Variants in MBD5 observed in about 807,000 individuals in gnomAD.
MBD5 encodes the protein methyl-CpG-binding domain protein 5.
A neutral mutation model predicts 117.3 loss-of-function variants in MBD5; 13 were observed. The ratio of observed to expected loss-of-function variants is 0.11; its 90% CI spans 0.07 to 0.18. The LOEUF (loss-of-function observed/expected upper bound fraction) is 0.18. Among genes scored for constraint, MBD5 ranks in the 10% least tolerant of loss-of-function variants. The pLI is 1.00. For synonymous variants in MBD5, 727 were observed against 766.4 expected (o/e 0.95, Z 0.85); for missense variants, 1,879 against 2,093.8 (o/e 0.90, Z 2.00).
At chr2:148,267,890 T>G (rs1317043874) in intron 3 of MBD5, among the ~76,000 whole-genome samples, 1 of 151,946 alleles carries the variant, frequency 6.6e-6, no homozygotes, top group East Asian at 1.9e-4. Context: ...GGTCTATATA[T>G]TTTTAGTTGC....
chr2:148,299,357 G>A (rs1485885587), intron 3 of MBD5, among the ~76,000 whole-genome samples: 1 of 151,964 alleles, frequency 6.6e-6, no homozygotes, highest in African/African-American at 2.4e-5. Flanking sequence ...TGAACTCCTG[G>A]CCTCATGTGG....
intron 4 of MBD5, among the ~76,000 whole-genome samples, chr2:148,359,951 A>G (rs974404464): frequency 6.6e-5 from 10 of 152,254 alleles, no homozygotes; most frequent in Middle Eastern, 6.8e-3. Context: ...GCTGAGACAC[A>G]TATTTACTTC....
intron 1 of MBD5, among the ~76,000 whole-genome samples, chr2:148,130,357 T>C (rs1390637203): frequency 3.3e-5 from 5 of 152,186 alleles, no homozygotes; most frequent in African/African-American, 1.2e-4. Context: ...CCCTAGAGTA[T>C]CATTCTTTTA....
At chr2:148,185,435 C>T (rs899972830) in intron 2 of MBD5, among the ~76,000 whole-genome samples, 2 of 152,100 alleles carry the variant, frequency 1.3e-5, no homozygotes, top group African/African-American at 2.4e-5. Flanking sequence ...TATGTGTGTA[C>T]CCTTTGACCC....
chr2:148,199,730 A>G (rs1699088478), intron 2 of MBD5, among the ~76,000 whole-genome samples: 1 of 152,054 alleles, frequency 6.6e-6, no homozygotes, highest in Non-Finnish European at 1.5e-5. Context: ...ACTGTACTCC[A>G]GCCTGGGTGA....
chr2:148,180,352 ATATATATATG>A (rs60498169), intron 2 of MBD5, among the ~76,000 whole-genome samples: 12,978 of 138,626 alleles, frequency 0.094, 724 homozygotes, highest in South Asian at 0.15. Flanking sequence ...ACATATATAT[ATATATATATG>A]TATATATGTA....
At chr2:148,199,773 A>C (rs1284514559) in intron 2 of MBD5, among the ~76,000 whole-genome samples, 2 of 152,152 alleles carry the variant, frequency 1.3e-5, no homozygotes, top group African/African-American at 4.8e-5. Context: ...AAAAAAAAGA[A>C]AAGATTTGTT....
chr2:148,248,164 G>A (rs1700380432), intron 3 of MBD5, among the ~76,000 whole-genome samples: 1 of 152,214 alleles, frequency 6.6e-6, no homozygotes, highest in East Asian at 1.9e-4. Context: ...TATACTTAAG[G>A]TCCCGTCAGT....
chr2:148,031,152 A>G (rs1694026932), intron 1 of MBD5, among the ~76,000 whole-genome samples: 2 of 152,208 alleles, frequency 1.3e-5, no homozygotes, highest in African/African-American at 4.8e-5. Context: ...CAAAATACAG[A>G]TAGTATAATC....
rs181911335 is a variant in MBD5, at chr2:148,445,220, T to C, written c.-556-12983T>C. Among the ~76,000 whole-genome samples, 901 of 151,348 alleles carry C rather than the reference T, an allele frequency of 6.0e-3. 9 individuals carry two copies. The highest frequency in any genetic ancestry group is 0.01 in the Middle Eastern group (3 of 294). Reference sequence around the variant, plus strand: ...GTTACATATGTATACATGTGCCATGTTGGTGTGCTGCACCCATTAACTCGT... The same window carrying C: ...GTTACATATGTATACATGTGCCATGCTGGTGTGCTGCACCCATTAACTCGT... On this transcript the variant is annotated intron_variant, in intron 4 of 13. Coordinates refer to ENST00000642680, the MANE Select transcript of MBD5 (RefSeq NM_001378120.1).
At chr2:148,257,247 T>C (rs1700612465) in intron 3 of MBD5, among the ~76,000 whole-genome samples, 1 of 152,198 alleles carries the variant, frequency 6.6e-6, no homozygotes, top group Non-Finnish European at 1.5e-5. Context: ...CCACTACCCA[T>C]AGGGCTTATG....
intron 1 of MBD5, among the ~76,000 whole-genome samples, chr2:148,087,962 T>TA (rs1032415003): frequency 6.6e-6 from 1 of 150,714 alleles, no homozygotes; most frequent in Non-Finnish European, 1.5e-5. Flanking sequence ...AAATAAATTT[T>TA]AAAAAAATAC....
intron 3 of MBD5, among the ~76,000 whole-genome samples, chr2:148,249,298 T>G (rs1041907343): frequency 6.6e-6 from 1 of 152,332 alleles, no homozygotes; most frequent in Middle Eastern, 3.4e-3. Flanking sequence ...TTAATCTGAC[T>G]TTGCTTTCCA....
At chr2:148,062,929 T>C (rs1408488625) in intron 1 of MBD5, among the ~76,000 whole-genome samples, 1 of 152,110 alleles carries the variant, frequency 6.6e-6, no homozygotes, top group Non-Finnish European at 1.5e-5. Flanking sequence ...CACAATAAAG[T>C]ACAACCAAGA....
Position 148,463,729 on chromosome 2 carries a change from C to T in MBD5, c.217-10C>T. ...AGACATATTCTAAACAAAGGCTGTGCTTTTTCCAGGTATTTAATTTTGATC... is the reference window on the plus strand; with the variant it reads ...AGACATATTCTAAACAAAGGCTGTGTTTTTTCCAGGTATTTAATTTTGATC... On this transcript the variant is annotated splice_polypyrimidine_tract_variant and intron_variant, in intron 6 of 13. Coordinates refer to ENST00000642680, the MANE Select transcript of MBD5 (RefSeq NM_001378120.1). 6.2e-7 allele frequency: 1 copy of T among 1,613,300 alleles called. No homozygotes were observed. Among genetic ancestry groups the T allele is most frequent in the South Asian group, 1.1e-5 (1 of 91,064 alleles).
At chr2:148,088,159 G>A (rs918051290) in intron 1 of MBD5, among the ~76,000 whole-genome samples, 11 of 151,720 alleles carry the variant, frequency 7.3e-5, no homozygotes, top group Admixed American at 6.6e-5. Flanking sequence ...ATGAGACAAA[G>A]GCAAAGAAAA....
chr2:148,274,107 A>C (rs1013870869), intron 3 of MBD5, among the ~76,000 whole-genome samples: 17 of 151,842 alleles, frequency 1.1e-4, no homozygotes, highest in Non-Finnish European at 2.9e-5. Context: ...CTAGTGCTTC[A>C]TTTCTCTTTC....
At chr2:148,411,297 G>A (rs1705240118) in intron 4 of MBD5, among the ~76,000 whole-genome samples, 1 of 151,978 alleles carries the variant, frequency 6.6e-6, no homozygotes. Context: ...CCATAATTCT[G>A]CAATGGGCAT....
intron 1 of MBD5, among the ~76,000 whole-genome samples, chr2:148,150,615 C>G (rs1697630694): frequency 6.6e-6 from 1 of 151,676 alleles, no homozygotes; most frequent in South Asian, 2.1e-4. Context: ...CTTTTATTTC[C>G]TGGAGCAGTG....
Sources: gnomAD v4.1 joint callset for allele counts (sites outside exome capture counted in the v4.1 genomes callset) on GRCh38, gnomAD v4.1.1 for gene constraint, MANE v1.5 for transcripts, NCBI Gene and HGNC (gene_info 2026-07-23, HGNC 2026-07-21) for gene names.